The following KCNT2 variants were observed in gnomAD, a reference collection of about 807,000 sequenced individuals.
KCNT2 encodes potassium sodium-activated channel subfamily T member 2.
Under a neutral mutation model 153.8 loss-of-function variants are expected in KCNT2, and 67 were observed. That is an observed-to-expected ratio of 0.44 (90% CI 0.36 to 0.53). KCNT2 has a LOEUF of 0.53. KCNT2 is among the 20% of genes least tolerant of loss of function. The pLI is 0.00. For synonymous variants in KCNT2, 500 were observed against 458.8 expected (o/e 1.09, Z -1.15); for missense variants, 975 against 1,354.8 (o/e 0.72, Z 4.40).
At chr1:196,481,495 A>G (rs996488303) in intron 4 of KCNT2, among the ~76,000 whole-genome samples, 1 of 152,226 alleles carries the variant, frequency 6.6e-6, no homozygotes, top group Non-Finnish European at 1.5e-5. Flanking sequence ...TAGTTTAAAG[A>G]TTGCTCCTAA....
intron 25 of KCNT2, 151 bp from the exon 26 acceptor site, chr1:196,258,645 C>T (rs1484141659): frequency 1.4e-6 from 1 of 709,542 alleles, no homozygotes; most frequent in Middle Eastern, 2.4e-4. Context: ...TTCTAATTTT[C>T]CATTACTAAA....
At chr1:196,458,463 A>C (rs1271968162) in intron 8 of KCNT2, among the ~76,000 whole-genome samples, 1 of 151,888 alleles carries the variant, frequency 6.6e-6, no homozygotes, top group African/African-American at 2.4e-5. Flanking sequence ...TTGTTACGTA[A>C]TTCTAAAACA....
intron 24 of KCNT2, 86 bp downstream of exon 24, chr1:196,282,187 C>T: frequency 3.3e-6 from 2 of 600,414 alleles, no homozygotes; most frequent in Non-Finnish European, 5.9e-6. Flanking sequence ...TAACACATGA[C>T]ATAGAAGAAT....
At position 196,541,443 on chromosome 1, in the gene KCNT2, T is replaced by G. The variant is rs1342939388; in HGVS notation, c.96-49102A>C. 2.6e-5 allele frequency among the ~76,000 whole-genome samples: 4 copies of G among 152,024 alleles called. No homozygotes were observed. The East Asian group carries it at 5.8e-4, about 22-fold the overall frequency. ...AATGTCTCAAAACAAATATAATGAA[T>G]AGGAATGTTTTATGGCATGTTAAAG... On this transcript the variant is annotated intron_variant, in intron 1 of 27. Transcript: ENST00000294725.
At chr1:196,365,911 G>T (rs1248790478) in intron 14 of KCNT2, among the ~76,000 whole-genome samples, 2 of 152,134 alleles carry the variant, frequency 1.3e-5, no homozygotes, top group African/African-American at 4.8e-5. Context: ...CAATTACTAT[G>T]GTTGGGCATG....
chr1:196,493,505 T>G (rs1680017078), intron 1 of KCNT2, among the ~76,000 whole-genome samples: 1 of 152,222 alleles, frequency 6.6e-6, no homozygotes, highest in African/African-American at 2.4e-5. Context: ...AGGAAAACCA[T>G]GAATAGTTTT....
intron 1 of KCNT2, among the ~76,000 whole-genome samples, chr1:196,542,692 A>T (rs1423464064): frequency 6.6e-6 from 1 of 152,112 alleles, no homozygotes; most frequent in African/African-American, 2.4e-5. Context: ...TTTTTCAACC[A>T]ATCAATAAAA....
At chr1:196,484,032 G>A (rs1472789428) in intron 3 of KCNT2, among the ~76,000 whole-genome samples, 7 of 152,006 alleles carry the variant, frequency 4.6e-5, no homozygotes, top group African/African-American at 1.7e-4. Flanking sequence ...GAGTGAAGAG[G>A]GATAGATGCC....
chr1:196,251,244 C>T (rs1655942006), intron 26 of KCNT2, among the ~76,000 whole-genome samples: 1 of 152,040 alleles, frequency 6.6e-6, no homozygotes, highest in African/African-American at 2.4e-5. Flanking sequence ...AAATATGATA[C>T]ATATATACAA....
chr1:196,240,691 G>C (rs1004222149), intron 26 of KCNT2, among the ~76,000 whole-genome samples: 1 of 151,922 alleles, frequency 6.6e-6, no homozygotes, highest in African/African-American at 2.4e-5. Flanking sequence ...GAGAGGAGAA[G>C]ATTAATTTGA....
intron 14 of KCNT2, among the ~76,000 whole-genome samples, chr1:196,371,189 G>A (rs1668498039): frequency 8.0e-6 from 1 of 125,120 alleles, no homozygotes; most frequent in Non-Finnish European, 1.6e-5. Context: ...TTCGAGACTA[G>A]CCTGGGCAAC....
At chr1:196,330,481 C>G (rs1030580237) in intron 18 of KCNT2, among the ~76,000 whole-genome samples, 3 of 151,846 alleles carry the variant, frequency 2.0e-5, no homozygotes, top group Non-Finnish European at 1.5e-5. Context: ...AAATCCCTAG[C>G]TAGAATTAGT....
At chr1:196,322,847 T>C (rs12407399) in intron 19 of KCNT2, among the ~76,000 whole-genome samples, 16,216 of 151,884 alleles carry the variant, frequency 0.11, 1,234 homozygotes, top group African/African-American at 0.22. Context: ...TGAAAGTAGT[T>C]TAATTTTAGC....
chr1:196,549,485 A>G (rs1352110778), intron 1 of KCNT2, among the ~76,000 whole-genome samples: 1 of 151,948 alleles, frequency 6.6e-6, no homozygotes, highest in East Asian at 1.9e-4. Flanking sequence ...TTTCACAAAC[A>G]TCTCTGTGAT....
intron 25 of KCNT2, chr1:196,273,486 A>G: frequency 6.5e-7 from 1 of 1,530,782 alleles, no homozygotes; most frequent in Non-Finnish European, 8.8e-7. Flanking sequence ...CTATTTTTCG[A>G]GACTGACACA....
intron 22 of KCNT2, among the ~76,000 whole-genome samples, chr1:196,302,764 C>G (rs1364073745): frequency 6.6e-6 from 1 of 151,756 alleles, no homozygotes; most frequent in East Asian, 1.9e-4. Flanking sequence ...GAGATTCAAC[C>G]CACGAGACTA....
rs777549702 is a variant in KCNT2 at position 196,258,125 on chromosome 1, A to AC, written c.3211+68dup. On this transcript the variant is annotated intron_variant, in intron 26 of 27. Transcript: ENST00000294725. ...AAATTCAATTCTTTATTAAATTAGA[A>AC]CCAACTATATTACTACTAATGGCAA... 1.6e-5 allele frequency: 25 copies of AC among 1,526,880 alleles called. No homozygotes were observed. The Admixed American group carries it at 4.9e-4, about 30-fold the overall frequency. The allele number at this position is 1,526,880 out of a possible 1,614,324, so 94.6% of individuals were successfully genotyped here. A position where few individuals can be genotyped will look rare whatever the true frequency, so the allele number is the denominator to read the frequency against.
intron 1 of KCNT2, among the ~76,000 whole-genome samples, chr1:196,529,299 GA>G (rs1654640439): frequency 6.6e-6 from 1 of 152,100 alleles, no homozygotes; most frequent in Non-Finnish European, 1.5e-5. Flanking sequence ...GAATAAATAA[GA>G]GCAAATAATT....
chr1:196,395,584 A>G (rs1214473587), intron 13 of KCNT2, among the ~76,000 whole-genome samples: 2 of 151,448 alleles, frequency 1.3e-5, no homozygotes, highest in Non-Finnish European at 3.0e-5. Flanking sequence ...GTTGTTTCTC[A>G]TATCATCCCC....
Sources: allele counts gnomAD v4.1 joint callset (sites outside exome capture counted in the v4.1 genomes callset), GRCh38; gene constraint gnomAD v4.1.1; transcripts MANE v1.5; gene names NCBI Gene and HGNC (gene_info 2026-07-23, HGNC 2026-07-21).